CADPS2: variants seen among roughly 807,000 people sequenced by gnomAD.
CADPS2 encodes the protein calcium-dependent secretion activator 2.
CADPS2 carries 93 observed loss-of-function variants against 172.5 expected under a neutral mutation model. The observed-to-expected ratio is 0.54, with a 90% CI of 0.46 to 0.64. The LOEUF is 0.64. Among genes scored for constraint, CADPS2 ranks in the 30% least tolerant of loss-of-function variants. The pLI, the probability that CADPS2 is intolerant of heterozygous loss-of-function variation, is 0.00. For synonymous variants in CADPS2, 546 were observed against 555.2 expected, an observed-to-expected ratio of 0.98 and a Z score of 0.23; for missense variants, 1,420 against 1,565.9, an observed-to-expected ratio of 0.91 and a Z score of 1.57.
chr7:122,609,059 T>C (rs1002372635), intron 6 of CADPS2, among the ~76,000 whole-genome samples: 2 of 152,014 alleles, frequency 1.3e-5, no homozygotes, highest in Admixed American at 6.6e-5. Flanking sequence ...AGGTTCGATA[T>C]CATGCTAAAT....
chr7:122,500,450 A>C (rs2059105426), intron 9 of CADPS2, among the ~76,000 whole-genome samples: 1 of 152,174 alleles, frequency 6.6e-6, no homozygotes, highest in Non-Finnish European at 1.5e-5. Context: ...ACATAACTCA[A>C]CTTGTACTCT....
At chr7:122,477,044 AGAGAGAGAAGAG>A (rs2056743138) in intron 12 of CADPS2, among the ~76,000 whole-genome samples, 4 of 57,054 alleles carry the variant, frequency 7.0e-5, no homozygotes, top group African/African-American at 3.2e-4. Context: ...AGAGGAGAGG[AGAGAGAGAAGAG>A]AGAGAGAGAG....
At chr7:122,574,789 AT>A (rs1168192525) in intron 7 of CADPS2, among the ~76,000 whole-genome samples, 2 of 152,188 alleles carry the variant, frequency 1.3e-5, no homozygotes, top group East Asian at 3.9e-4. Context: ...TAACACACAA[AT>A]TTTTTTTAAA....
At chr7:122,875,644 G>T (rs917146558) in intron 1 of CADPS2, among the ~76,000 whole-genome samples, 1 of 152,004 alleles carries the variant, frequency 6.6e-6, no homozygotes, top group Non-Finnish European at 1.5e-5. Flanking sequence ...TTACTAAAGA[G>T]AAAACAAATT....
chr7:122,635,155 T>C (rs1375582216), intron 3 of CADPS2, among the ~76,000 whole-genome samples: 1 of 152,202 alleles, frequency 6.6e-6, no homozygotes, highest in Non-Finnish European at 1.5e-5. Context: ...TGTAGATGTC[T>C]ATTAGGTCCA....
chr7:122,884,749 C>A (rs980251680), intron 1 of CADPS2, among the ~76,000 whole-genome samples: 8 of 152,156 alleles, frequency 5.3e-5, no homozygotes, highest in African/African-American at 1.9e-4. Context: ...TACTTATCCC[C>A]ATGATACTTA....
Position 122,451,447 on chromosome 7 carries a change from C to G in CADPS2, c.2215G>C (p.Glu739Gln). The change falls in exon 15 of 30, where the codon GAA becomes CAA. Residue 739 changes from glutamate to glutamine, a missense_variant. Physicochemically the swap from Glu to Gln is conservative, Grantham distance 29. Transcript: ENST00000449022. The stretch of plus-strand genomic sequence containing the variant: ...ATCTCCTCAAATCTTTCTTTTTCTT[C>G]CACTGAAACAGTCCCAATTCCATCA... ...RPDGIGTVSV[E>Q]EKERFEEIKE... 6.3e-7 allele frequency: 1 copy of G among 1,584,024 alleles called. No individual in the cohort carries two copies. The highest frequency in any genetic ancestry group is 8.6e-7 in the Non-Finnish European group (1 of 1,164,588).
intron 2 of CADPS2, among the ~76,000 whole-genome samples, chr7:122,677,788 G>A (rs753690230): frequency 1.3e-5 from 2 of 152,170 alleles, no homozygotes; most frequent in African/African-American, 2.4e-5. Context: ...ATGCAATCAA[G>A]TTCAGCAATT....
intron 8 of CADPS2, among the ~76,000 whole-genome samples, chr7:122,527,582 TAGAGAGAGAGAG>T (rs35881192): frequency 5.5e-5 from 5 of 91,682 alleles, no homozygotes; most frequent in Non-Finnish European, 8.9e-5. Flanking sequence ...TAATACTGAA[TAGAGAGAGAGAG>T]AGAGAGAGAG....
chr7:122,350,938 G>C (rs1175937556), intron 27 of CADPS2, among the ~76,000 whole-genome samples: 3 of 152,050 alleles, frequency 2.0e-5, no homozygotes, highest in Non-Finnish European at 4.4e-5. Flanking sequence ...TCTAGCCTGG[G>C]TGACAAAGTG....
At chr7:122,642,334 T>C (rs759760255) in intron 3 of CADPS2, among the ~76,000 whole-genome samples, 8 of 151,654 alleles carry the variant, frequency 5.3e-5, no homozygotes, top group African/African-American at 1.2e-4. Context: ...CTATTAGTCT[T>C]GCCTTACAAA....
chr7:122,585,749 A>G (rs1177334261), intron 6 of CADPS2: 3 of 152,000 alleles, frequency 2.0e-5, no homozygotes, highest in Non-Finnish European at 4.4e-5. Context: ...ATAAAAATCT[A>G]CAAAGCACCT....
At chr7:122,476,059 T>C (rs2056587521) in intron 12 of CADPS2, among the ~76,000 whole-genome samples, 1 of 152,096 alleles carries the variant, frequency 6.6e-6, no homozygotes, top group Admixed American at 6.5e-5. Context: ...ATCAGATGAA[T>C]AGGAGGCAGA....
In CADPS2 at chr7:122,877,813, A is replaced by G. The variant is rs151303233; in HGVS notation, c.339+8186T>C. On this transcript the variant is annotated intron_variant, in intron 1 of 29. Coordinates refer to ENST00000449022, the MANE Select transcript of CADPS2 (RefSeq NM_017954.11). ...GCGTCTAATCAGGAGCATGTACTTTATAGGCATCTCATTTCGTCACAACAG... is the reference window on the plus strand; with the variant it reads ...GCGTCTAATCAGGAGCATGTACTTTGTAGGCATCTCATTTCGTCACAACAG... 6.7e-3 allele frequency among the ~76,000 whole-genome samples: 1,013 copies of G among 152,302 alleles called. 7 individuals are homozygous for G. The highest frequency in any genetic ancestry group is 0.023 in the African/African-American group (942 of 41,572).
chr7:122,792,513 T>C (rs1023018890), intron 1 of CADPS2, among the ~76,000 whole-genome samples: 4 of 152,124 alleles, frequency 2.6e-5, no homozygotes, highest in African/African-American at 9.7e-5. Flanking sequence ...TAAAGTTCTG[T>C]TGTTTATAAG....
intron 6 of CADPS2, among the ~76,000 whole-genome samples, chr7:122,614,880 A>G (rs1303648624): frequency 1.3e-5 from 2 of 152,212 alleles, no homozygotes; most frequent in Non-Finnish European, 2.9e-5. Flanking sequence ...CAAATAACAC[A>G]TGGTGATAAA....
chr7:122,864,477 C>G (rs1817782128), intron 1 of CADPS2, among the ~76,000 whole-genome samples: 1 of 151,902 alleles, frequency 6.6e-6, no homozygotes, highest in African/African-American at 2.4e-5. Flanking sequence ...GAAACTCTGT[C>G]TCAAAAAACA....
In CADPS2 at chr7:122,479,175, G is replaced by C. The variant is rs192975507; in HGVS notation, c.1861+1677C>G. On this transcript the variant is annotated intron_variant, in intron 12 of 29. Transcript: ENST00000449022. ...GGACTAAAAGGGTGCTGCCAGCCAA[G>C]ACTGCTCTCTGCAAAACAGAGCTGA... is the stretch of plus-strand genomic sequence containing the variant. Among the ~76,000 whole-genome samples the C allele has an allele frequency of 1.0e-3, 153 of 152,230 alleles. 1 individual carries two copies. Among genetic ancestry groups the C allele is most frequent in the Non-Finnish European group, 1.9e-4 (13 of 68,000 alleles).
chr7:122,726,199 T>C (rs147450205), intron 2 of CADPS2, among the ~76,000 whole-genome samples: 1 of 152,114 alleles, frequency 6.6e-6, no homozygotes, highest in African/African-American at 2.4e-5. Flanking sequence ...TCTTGACAAC[T>C]GTAAGGGGGA....
Sources: gnomAD v4.1 joint callset for allele counts (sites outside exome capture counted in the v4.1 genomes callset) on GRCh38, gnomAD v4.1.1 for gene constraint, MANE v1.5 for transcripts, NCBI Gene and HGNC (gene_info 2026-07-23, HGNC 2026-07-21) for gene names.